Variants in PITPNM3 observed in about 807,000 individuals in gnomAD.
PITPNM3 encodes the protein PITPNM family member 3.
Under a neutral mutation model 102.0 loss-of-function variants are expected in PITPNM3, and 26 were observed. That is an observed-to-expected ratio of 0.25 (90% confidence interval 0.19 to 0.35). The LOEUF is 0.35. Ranked by LOEUF, PITPNM3 falls within the 10% of genes least tolerant of loss-of-function variation. The pLI is 1.00. For synonymous variants in PITPNM3, 578 were observed against 558.6 expected (o/e 1.03, Z -0.49); for missense variants, 1,083 against 1,346.1 (o/e 0.80, Z 3.06).
chr17:6,532,132 C>T (rs1567690864), intron 2 of PITPNM3, among the ~76,000 whole-genome samples: 1 of 151,726 alleles, frequency 6.6e-6, no homozygotes, highest in Non-Finnish European at 1.5e-5. Context: ...ATGCCAAGCT[C>T]ATTCCACCAA....
chr17:6,542,727 G>A (rs1334957994), intron 1 of PITPNM3, among the ~76,000 whole-genome samples: 1 of 152,056 alleles, frequency 6.6e-6, no homozygotes, highest in African/African-American at 2.4e-5. Context: ...GTCAGCGACA[G>A]GACCAAGGAT....
At chr17:6,539,542 T>C (rs974904578) in intron 1 of PITPNM3, among the ~76,000 whole-genome samples, 2 of 152,078 alleles carry the variant, frequency 1.3e-5, no homozygotes, top group South Asian at 2.1e-4. Context: ...CAAAAGTCAA[T>C]TGCATTCCTA....
At chr17:6,500,967 C>T (rs1360732047) in intron 4 of PITPNM3, among the ~76,000 whole-genome samples, 9 of 152,204 alleles carry the variant, frequency 5.9e-5, no homozygotes, top group East Asian at 3.9e-4. Context: ...TGAGCCACCA[C>T]GCCCAGCCCA....
rs201959934 is a variant in PITPNM3, at chr17:6,537,256, C to CT, written c.118+730dup. 0.12 allele frequency among the ~76,000 whole-genome samples: 15,452 copies of CT among 128,258 alleles called. 1,268 individuals are homozygous for CT. Among genetic ancestry groups the CT allele is most frequent in the African/African-American group, 0.2 (6,333 of 31,770 alleles). 84.1% of individuals were successfully genotyped at this position (128,258 alleles called of 152,430 possible). ...TATGAGGCTCATTTATTTTTTCTTT[C>CT]TTTTTTTTTTTTTTTTTTCTGAGAC... On this transcript the variant is annotated intron_variant, in intron 2 of 19. Coordinates refer to ENST00000262483, the MANE Select transcript of PITPNM3 (RefSeq NM_031220.4). This position sits in a 1 kb window ranked among gnomAD's most constrained non-coding sequence, Gnocchi z 4.4.
chr17:6,518,197 A>C (rs1369103046), intron 3 of PITPNM3, among the ~76,000 whole-genome samples: 1 of 152,210 alleles, frequency 6.6e-6, no homozygotes, highest in Non-Finnish European at 1.5e-5. Flanking sequence ...TCTATTTGTC[A>C]GGATTCTTGT....
At chr17:6,497,182 C>A (rs1478039155) in intron 4 of PITPNM3, among the ~76,000 whole-genome samples, 1 of 152,164 alleles carries the variant, frequency 6.6e-6, no homozygotes, top group Non-Finnish European at 1.5e-5. Flanking sequence ...AGTGGAGAGG[C>A]CAGCCGTGGG....
At chr17:6,508,982 TAG>T (rs2150618136) in intron 3 of PITPNM3, among the ~76,000 whole-genome samples, 1 of 152,334 alleles carries the variant, frequency 6.6e-6, no homozygotes, top group Non-Finnish European at 1.5e-5. Flanking sequence ...CCACTTAGCC[TAG>T]AGCTTTGCAA....
intron 18 of PITPNM3, 64 bp downstream of exon 18, chr17:6,461,309 G>A (rs1904437715): frequency 1.3e-6 from 2 of 1,550,798 alleles, no homozygotes; most frequent in Non-Finnish European, 8.9e-7. Context: ...GGGAGATGGG[G>A]AGCGGTGGAG....
Position 6,484,277 on chromosome 17 carries a change from A to T in PITPNM3, c.290T>A (p.Val97Asp), listed in dbSNP as rs781094420. ...LQEKQRELYR[V>D]SLRRQRFPAQ... ...TGGGAACCTCTGTCTTCTCAAGGAA[A>T]CCCGGTACAGTTCTCCTGCAGAGGG... The change falls in exon 5 of 20, where the codon GTT becomes GAT. Residue 97 changes from valine to aspartate, a missense_variant. Around this residue, in one of 5 missense-constraint regions of PITPNM3, gnomAD observed 290 missense variants for 337.8 expected, o/e 0.86. Coordinates refer to ENST00000262483, the MANE Select transcript of PITPNM3 (RefSeq NM_031220.4). 1.9e-6 allele frequency: 3 copies of T among 1,608,438 alleles called. No homozygotes were observed. In the East Asian group the frequency reaches 6.7e-5, roughly 36 times the overall value.
Position 6,472,067 on chromosome 17 carries a change from C to G in PITPNM3, c.1429+590G>C, listed in dbSNP as rs1178912825. 6.6e-6 allele frequency among the ~76,000 whole-genome samples: 1 copy of G among 152,218 alleles called. No individual in the cohort carries two copies. Among genetic ancestry groups the G allele is most frequent in the Non-Finnish European group, 1.5e-5 (1 of 68,048 alleles). ...TGGAGCCAAGGCTCCGATTTCCAAG[C>G]TGCTGACTGTCCATTACAGGTCTCC... On this transcript the variant is annotated intron_variant, in intron 11 of 19. Coordinates refer to ENST00000262483, the MANE Select transcript of PITPNM3 (RefSeq NM_031220.4). The surrounding 1 kb of genome is among the most constrained non-coding windows in gnomAD (Gnocchi z 4.1).
In PITPNM3 at chr17:6,455,482, C is replaced by G; in HGVS notation, c.2781G>C (p.Met927Ile). ...CGGGCGGGTCGGGCTGCTGCACTGA[C>G]ATGGTTCTGCGCAGGTGGTTGCGCT... The part of the protein sequence containing the change: ...LRKRNHLRRT[M>I]SVQQPDPPAA... The change falls in exon 20 of 20, where the codon ATG becomes ATC. Residue 927 changes from methionine to isoleucine, a missense_variant. Around this residue, in one of 5 missense-constraint regions of PITPNM3, gnomAD observed 208 missense variants for 178.2 expected, o/e 1.17. Coordinates refer to ENST00000262483, the MANE Select transcript of PITPNM3 (RefSeq NM_031220.4). The G allele has an allele frequency of 6.2e-7, 1 of 1,605,950 alleles. No homozygotes were observed. Among genetic ancestry groups the G allele is most frequent in the Non-Finnish European group, 8.5e-7 (1 of 1,179,636 alleles).
At chr17:6,509,883 C>T (rs577828755) in intron 3 of PITPNM3, among the ~76,000 whole-genome samples, 13 of 152,276 alleles carry the variant, frequency 8.5e-5, no homozygotes, top group African/African-American at 2.4e-4. Flanking sequence ...CCCAAGAAGG[C>T]CCCTAACTCC....
intron 2 of PITPNM3, among the ~76,000 whole-genome samples, chr17:6,536,828 C>T (rs1229376091): frequency 6.6e-6 from 1 of 152,204 alleles, no homozygotes; most frequent in Non-Finnish European, 1.5e-5. Flanking sequence ...TAAGTCAACA[C>T]CCTAAATATG....
chr17:6,541,735 G>A (rs1471648122), intron 1 of PITPNM3, among the ~76,000 whole-genome samples: 1 of 152,136 alleles, frequency 6.6e-6, no homozygotes, highest in Non-Finnish European at 1.5e-5. Flanking sequence ...AGAACAGCAA[G>A]GGAAAGGCTC....
In PITPNM3 at chr17:6,536,740, C is replaced by T. The variant is rs554177547; in HGVS notation, c.118+1247G>A. ...CCAAGTGTCCCGCTCTGGGTATTGA[C>T]GTCTTCCCAGCACGTAGTCTGTTTC... On this transcript the variant is annotated intron_variant, in intron 2 of 19. Transcript: ENST00000262483. Among the ~76,000 whole-genome samples, 8 of 152,320 alleles carry T rather than the reference C, an allele frequency of 5.3e-5. No homozygotes were observed. The East Asian group carries it at 1.3e-3, about 26-fold the overall frequency.
Position 6,478,845 on chromosome 17 carries a change from A to AGGG in PITPNM3, c.588-112_588-110dup. 8.6e-7 allele frequency: 1 copy of AGGG among 1,165,688 alleles called. No individual in the cohort carries two copies. Among genetic ancestry groups the AGGG allele is most frequent in the Non-Finnish European group, 1.2e-6 (1 of 840,456 alleles). The allele number at this position is 1,165,688 out of a possible 1,614,324, so 72.2% of individuals were successfully genotyped here. On this transcript the variant is annotated intron_variant, in intron 6 of 19. Transcript: ENST00000262483. This position sits in a 1 kb window ranked among gnomAD's most constrained non-coding sequence, Gnocchi z 4.4. ...ACATACTGGCCAGGAATTGGGCTCC[A>AGGG]GGGACCCTTCAGGAAGACCCAGGCA...
At chr17:6,543,285 G>C (rs1335730880) in intron 1 of PITPNM3, among the ~76,000 whole-genome samples, 1 of 152,192 alleles carries the variant, frequency 6.6e-6, no homozygotes, top group African/African-American at 2.4e-5. Flanking sequence ...TGCAGCCAAA[G>C]ACTCTGCTCA....
At chr17:6,521,625 T>A (rs192595285) in intron 3 of PITPNM3, among the ~76,000 whole-genome samples, 84 of 151,192 alleles carry the variant, frequency 5.6e-4, no homozygotes, top group South Asian at 3.1e-3. Flanking sequence ...TAAAAAAAAA[T>A]ATATATATAT....
rs944001531 is a variant in PITPNM3 at position 6,461,665 on chromosome 17, C to A, written c.2307-109G>T. The stretch of plus-strand genomic sequence containing the variant: ...CTCCTGAGACGTCAGAGGGACGAGT[C>A]TGAGGCGTGCTAGGGAGAACAAGGG... On this transcript the variant is annotated intron_variant, in intron 17 of 19. Transcript: ENST00000262483. 6.2e-6 allele frequency: 8 copies of A among 1,285,440 alleles called. No homozygotes were observed. The African/African-American group carries it at 1.2e-4, about 19-fold the overall frequency. 79.6% of individuals were successfully genotyped at this position (1,285,440 alleles called of 1,614,324 possible).
Sources: gnomAD v4.1 joint callset for allele counts (sites outside exome capture counted in the v4.1 genomes callset) on GRCh38, gnomAD v4.1.1 for gene constraint, gnomAD v4.1.1 regional missense constraint, Gnocchi (gnomAD v3.1) non-coding constraint, MANE v1.5 for transcripts, NCBI Gene and HGNC (gene_info 2026-07-23, HGNC 2026-07-21) for gene names.